The following ITGB1BP1 variants were observed in gnomAD, a reference collection of about 807,000 sequenced individuals.
The protein encoded by ITGB1BP1 is integrin subunit beta 1 binding protein 1, also known as integrin beta-1-binding protein 1.
ITGB1BP1 carries 20 observed loss-of-function variants against 28.0 expected under a neutral mutation model. The ratio of observed to expected loss-of-function variants is 0.71; its 90% CI spans 0.50 to 1.04. ITGB1BP1 has a LOEUF of 1.04. Ranked by LOEUF, ITGB1BP1 falls within the 50% of genes least tolerant of loss-of-function variation. The probability of loss-of-function intolerance (pLI) is 0.00; values close to 1 mark genes in which losing one functional copy is unlikely to be tolerated. For missense variants in ITGB1BP1, 228 were observed against 242.5 expected (o/e 0.94, Z 0.40); for synonymous variants, 103 against 89.5 (o/e 1.15, Z -0.85).
chr2:9,419,863 C>T (rs1413520913), intron 1 of ITGB1BP1: 1 of 159,032 alleles, frequency 6.3e-6, no homozygotes, highest in Non-Finnish European at 1.3e-5. Flanking sequence ...AGAAGGTGGG[C>T]TGTAATCTGC....
chr2:9,423,479 CT>C lies in ITGB1BP1; in HGVS notation c.-143del. Reference sequence around the variant, plus strand: ...ACTCCCGTTCCCGCTCCAGCGCCGGCTTTTCCAGCCCTCCTGCCCACGTCCG... The same window carrying C: ...ACTCCCGTTCCCGCTCCAGCGCCGGCTTTCCAGCCCTCCTGCCCACGTCCG... On this transcript the variant is annotated 5_prime_UTR_variant, in exon 1 of 7. Transcript: ENST00000355346. The C allele has an allele frequency of 2.5e-6, 3 of 1,194,170 alleles. No individual in the cohort carries two copies. The highest frequency in any genetic ancestry group is 1.9e-5 in the South Asian group (1 of 53,176). The allele number at this position is 1,194,170 out of a possible 1,614,324, so 74.0% of individuals were successfully genotyped here. A position where few individuals can be genotyped will look rare whatever the true frequency, so the allele number is the denominator to read the frequency against.
intron 1 of ITGB1BP1, 69 bp from the exon 2 acceptor site, chr2:9,418,801 CAG>C (rs974386941): frequency 1.9e-6 from 2 of 1,042,258 alleles, no homozygotes; most frequent in African/African-American, 3.3e-5. Context: ...TTTTAAGAGA[CAG>C]AGTCTTGCTC....
intron 3 of ITGB1BP1, among the ~76,000 whole-genome samples, chr2:9,412,903 T>C (rs1371071474): frequency 6.6e-6 from 1 of 152,134 alleles, no homozygotes; most frequent in Non-Finnish European, 1.5e-5. Context: ...GCTTTCCTCA[T>C]TCAGGAAGCC....
Position 9,406,736 on chromosome 2 carries a change from A to G in ITGB1BP1, c.*98T>C. The G allele has an allele frequency of 1.2e-6, 1 of 841,356 alleles. No homozygotes were observed. Among genetic ancestry groups the G allele is most frequent in the Non-Finnish European group, 2.1e-6 (1 of 484,532 alleles). 52.1% of individuals were successfully genotyped at this position (841,356 alleles called of 1,614,324 possible). A position where few individuals can be genotyped will look rare whatever the true frequency, so the allele number is the denominator to read the frequency against. ...AATCCATTTTCTTCAGAAAATCTAG[A>G]GCAAGGGATAACTTCATTATTTGCA... On this transcript the variant is annotated 3_prime_UTR_variant, in exon 7 of 7. Transcript: ENST00000355346.
At position 9,404,872 on chromosome 2, in the gene ITGB1BP1, A is replaced by G. The variant is rs987955554; in HGVS notation, c.*1962T>C. ...CCGGGTAAAAATGTGTTATATCTGT[A>G]GTTTTTTGTTTTTGTTTTTTTTTAA... On this transcript the variant is annotated 3_prime_UTR_variant, in exon 7 of 7. Coordinates refer to ENST00000355346, the MANE Select transcript of ITGB1BP1 (RefSeq NM_004763.5). 6.6e-6 allele frequency: 1 copy of G among 152,092 alleles called. No individual in the cohort carries two copies. The highest frequency in any genetic ancestry group is 1.5e-5 in the Non-Finnish European group (1 of 67,942). 9.4% of individuals were successfully genotyped at this position (152,092 alleles called of 1,614,324 possible).
At chr2:9,413,982 T>G (rs558003402) in intron 3 of ITGB1BP1, among the ~76,000 whole-genome samples, 196 bp downstream of exon 3, 1 of 152,208 alleles carries the variant, frequency 6.6e-6, no homozygotes, top group Non-Finnish European at 1.5e-5. Context: ...CCAAAGGCTA[T>G]GTGGTTTCCC....
Position 9,407,512 on chromosome 2 carries a change from A to G in ITGB1BP1, c.468T>C (p.Ala156=). ...CATTGCTTGCATCTGTGGTCTTCAGAGCCAGTAAGCTTTTTCCCGCCCCCA... is the reference window on the plus strand; with the variant it reads ...CATTGCTTGCATCTGTGGTCTTCAGGGCCAGTAAGCTTTTTCCCGCCCCCA... ...DGLGAGKSLL[A]LKTTDASNEE... Residue 156 remains alanine (A), a synonymous_variant, in exon 6 of 7, where the codon GCT becomes GCC. Coordinates refer to ENST00000355346, the MANE Select transcript of ITGB1BP1 (RefSeq NM_004763.5). The G allele has an allele frequency of 6.2e-7, 1 of 1,614,202 alleles. No individual in the cohort carries two copies. Among genetic ancestry groups the G allele is most frequent in the Non-Finnish European group, 8.5e-7 (1 of 1,180,038 alleles).
At chr2:9,409,189 G>A (rs1410894138) in intron 4 of ITGB1BP1, among the ~76,000 whole-genome samples, 2 of 152,232 alleles carry the variant, frequency 1.3e-5, no homozygotes, top group Non-Finnish European at 2.9e-5. Context: ...CACCTACTTC[G>A]TCTTCCCTAA....
At chr2:9,413,250 T>G (rs1344482065) in intron 3 of ITGB1BP1, among the ~76,000 whole-genome samples, 1 of 152,192 alleles carries the variant, frequency 6.6e-6, no homozygotes, top group Non-Finnish European at 1.5e-5. Context: ...AAAGAGGAAT[T>G]TAGACAAGAA....
At chr2:9,407,038 G>C in intron 6 of ITGB1BP1, 133 bp from the exon 7 acceptor site, 1 of 710,814 alleles carries the variant, frequency 1.4e-6, no homozygotes, top group Non-Finnish European at 2.5e-6. Context: ...GCCTGCCTGG[G>C]TCAGTGGAAC....
chr2:9,410,500 A>G (rs1392871612), intron 4 of ITGB1BP1, among the ~76,000 whole-genome samples: 1 of 151,980 alleles, frequency 6.6e-6, no homozygotes, highest in East Asian at 1.9e-4. Flanking sequence ...GTGCAGTGGC[A>G]CAATCTTGGC....
intron 1 of ITGB1BP1, chr2:9,422,490 C>G: frequency 1.0e-6 from 1 of 985,586 alleles, no homozygotes; most frequent in Non-Finnish European, 1.2e-6. Context: ...TTTCAAGGCC[C>G]GTTTCAGGCT....
At chr2:9,412,486 AC>A (rs2148887301) in intron 3 of ITGB1BP1, 81 bp from the exon 4 acceptor site, 3 of 1,175,884 alleles carry the variant, frequency 2.6e-6, no homozygotes, top group South Asian at 3.0e-5. Flanking sequence ...CCAAATAAAA[AC>A]CAGACTGTCA....
rs146655997 is a variant in ITGB1BP1, at chr2:9,422,550, G to T, written c.-36+823C>A. The stretch of plus-strand genomic sequence containing the variant: ...CTGGGGTAAGGGACCCACAGCTTGA[G>T]TGTACCCCCTGATCACAGCGCCACG... On this transcript the variant is annotated intron_variant, in intron 1 of 6. Transcript: ENST00000355346. 1.5e-5 allele frequency: 15 copies of T among 985,492 alleles called. No homozygotes were observed. The African/African-American group carries it at 2.4e-4, about 16-fold the overall frequency. 61.0% of individuals were successfully genotyped at this position (985,492 alleles called of 1,614,324 possible).
At chr2:9,422,765 A>AG in intron 1 of ITGB1BP1, 2 of 985,738 alleles carry the variant, frequency 2.0e-6, no homozygotes, top group Non-Finnish European at 2.4e-6. Flanking sequence ...GCACGGTGCT[A>AG]GGTGCACAGA....
At chr2:9,421,913 C>G (rs1329151366) in intron 1 of ITGB1BP1, among the ~76,000 whole-genome samples, 1 of 152,054 alleles carries the variant, frequency 6.6e-6, no homozygotes, top group Admixed American at 6.5e-5. Context: ...GCCCCACATC[C>G]AATCTGGCAC....
intron 1 of ITGB1BP1, 64 bp downstream of exon 1, chr2:9,423,309 G>T (rs1680137537): frequency 8.2e-7 from 1 of 1,223,654 alleles, no homozygotes; most frequent in African/African-American, 1.6e-5. Flanking sequence ...GCCGCTCTCG[G>T]GACCGTGTTC....
chr2:9,406,860 A>G lies in ITGB1BP1; in HGVS notation c.577T>C (p.Ser193Pro), dbSNP rs745444353. The G allele has an allele frequency of 1.2e-6, 2 of 1,613,176 alleles. No individual in the cohort carries two copies. Among genetic ancestry groups the G allele is most frequent in the Admixed American group, 1.7e-5 (1 of 60,010 alleles). The part of the protein sequence containing the change: ...ICKVLSTAFD[S>P]VLTSEKP ...CAGGGTTTCTCAGATGTTAATACAG[A>G]GTCAAAAGCGGTGGATAAAACCTTG... Residue 193 changes from serine (S) to proline (P), a missense_variant, in exon 7 of 7, where the codon TCT (serine) becomes CCT (proline). By Grantham distance (74) the Ser-to-Pro change is moderately conservative. Around this residue, in one of 2 missense-constraint regions of ITGB1BP1, gnomAD observed 192 missense variants for 181.6 expected, o/e 1.06. Transcript: ENST00000355346.
rs975965819 is a variant in ITGB1BP1 at position 9,404,355 on chromosome 2, T to C, written c.*2479A>G. 6.6e-6 allele frequency: 1 copy of C among 152,194 alleles called. No homozygotes were observed. The highest frequency in any genetic ancestry group is 1.5e-5 in the Non-Finnish European group (1 of 68,042). 9.4% of individuals were successfully genotyped at this position (152,194 alleles called of 1,614,324 possible). ...CCATCTGTTTATAATCAAGAACATA[T>C]CAGAAATATATAGGTCCCAGGTAAT... is the stretch of plus-strand genomic sequence containing the variant. On this transcript the variant is annotated 3_prime_UTR_variant, in exon 7 of 7. Coordinates refer to ENST00000355346, the MANE Select transcript of ITGB1BP1 (RefSeq NM_004763.5).
Sources: allele counts gnomAD v4.1 joint callset (sites outside exome capture counted in the v4.1 genomes callset), GRCh38; gene constraint gnomAD v4.1.1; regional missense constraint gnomAD v4.1.1; transcripts MANE v1.5; gene names NCBI Gene and HGNC (gene_info 2026-07-23, HGNC 2026-07-21).